Variants in DHRSX observed in about 807,000 individuals in gnomAD.
The protein encoded by DHRSX is dehydrogenase/reductase X-linked, also known as polyprenol dehydrogenase.
A neutral mutation model predicts 34.0 loss-of-function variants in DHRSX; 31 were observed. The ratio of observed to expected loss-of-function variants is 0.91; its 90% CI spans 0.69 to 1.23. The LOEUF (loss-of-function observed/expected upper bound fraction) is 1.23, where lower values mean the gene tolerates loss of function less well. DHRSX is among the 50% of genes most tolerant of loss of function. The pLI is 0.00. For missense variants in DHRSX, 414 were observed against 428.1 expected (o/e 0.97, Z 0.29); for synonymous variants, 201 against 183.8 (o/e 1.09, Z -0.76).
At chrX:2,466,103 G>A (rs2124690660) in intron 1 of DHRSX, among the ~76,000 whole-genome samples, 1 of 152,308 alleles carries the variant, frequency 6.6e-6, no homozygotes, top group Admixed American at 6.5e-5. Flanking sequence ...GATAAAGAAA[G>A]GGTGGAGCAT....
chrX:2,357,864 G>T lies in DHRSX; in HGVS notation c.286+50881C>A, dbSNP rs749625280. ...TCAAGGATTCACCTACATAACGGTG[G>T]TTATGAAATGGAAAATAGAGAAACA... On this transcript the variant is annotated intron_variant, in intron 3 of 6. Coordinates refer to ENST00000334651, the MANE Select transcript of DHRSX (RefSeq NM_145177.3). Among the ~76,000 whole-genome samples, 5 of 152,256 alleles carry T rather than the reference G, an allele frequency of 3.3e-5. No homozygotes were observed. In the East Asian group the frequency reaches 9.6e-4, roughly 29 times the overall value.
Position 2,364,792 on chromosome X carries a change from TCTATCATCTAC to T in DHRSX, c.286+43942_286+43952del, listed in dbSNP as rs2042978535. On this transcript the variant is annotated intron_variant, in intron 3 of 6. Coordinates refer to ENST00000334651, the MANE Select transcript of DHRSX (RefSeq NM_145177.3). The stretch of plus-strand genomic sequence containing the variant: ...GCATCTGTTTACTCTCTATCTACTG[TCTATCATCTAC>T]CTATCATCTATTGACCATCGATCAT... Among the ~76,000 whole-genome samples the T allele has an allele frequency of 7.9e-5, 12 of 152,276 alleles. No individual in the cohort carries two copies. In the South Asian group the frequency reaches 2.5e-3, roughly 32 times the overall value.
intron 1 of DHRSX, among the ~76,000 whole-genome samples, chrX:2,495,549 T>A (rs2045260964): frequency 6.6e-6 from 1 of 152,076 alleles, no homozygotes; most frequent in African/African-American, 2.4e-5. Flanking sequence ...GCTGTCAGAA[T>A]TCCATGGGAT....
chrX:2,353,407 G>A (rs921913420), intron 3 of DHRSX, among the ~76,000 whole-genome samples: 1 of 151,954 alleles, frequency 6.6e-6, no homozygotes, highest in Non-Finnish European at 1.5e-5. Context: ...AAAGCGTCCA[G>A]GAATTCAGAA....
intron 1 of DHRSX, among the ~76,000 whole-genome samples, chrX:2,438,641 C>G (rs1343415250): frequency 6.8e-6 from 1 of 147,004 alleles, no homozygotes; most frequent in Non-Finnish European, 1.5e-5. Flanking sequence ...GCACTCCAGC[C>G]TGGGGGACAG....
Position 2,231,869 on chromosome X carries a change from T to C in DHRSX, c.805-10640A>G, listed in dbSNP as rs193132237. Among the ~76,000 whole-genome samples, 362 of 150,010 alleles carry C rather than the reference T, an allele frequency of 2.4e-3. 4 individuals carry two copies. The highest frequency in any genetic ancestry group is 8.2e-3 in the African/African-American group (333 of 40,822). ...TTTTCTCCCTCTTCTTCCTCCTCCA[T>C]CTTCTCCAACTTCTTCCTCCTCCTC... On this transcript the variant is annotated intron_variant, in intron 6 of 6. Transcript: ENST00000334651.
intron 5 of DHRSX, among the ~76,000 whole-genome samples, chrX:2,263,804 C>T (rs949088472): frequency 1.4e-4 from 21 of 152,200 alleles, no homozygotes; most frequent in African/African-American, 4.6e-4. Context: ...AGCCACCACA[C>T]CCGGACTGCT....
At chrX:2,417,848 C>T (rs1031688556) in intron 2 of DHRSX, among the ~76,000 whole-genome samples, 17 of 152,188 alleles carry the variant, frequency 1.1e-4, no homozygotes, top group African/African-American at 4.1e-4. Flanking sequence ...TCAACTACCT[C>T]ATCATGACAT....
At chrX:2,324,421 C>T (rs1470944677) in intron 3 of DHRSX, among the ~76,000 whole-genome samples, 1 of 152,168 alleles carries the variant, frequency 6.6e-6, no homozygotes, top group Non-Finnish European at 1.5e-5. Context: ...CCCACTTCTT[C>T]AGCCTTCTGG....
At chrX:2,259,381 T>C (rs867786304) in intron 5 of DHRSX, among the ~76,000 whole-genome samples, 7 of 60,600 alleles carry the variant, frequency 1.2e-4, no homozygotes, top group Non-Finnish European at 2.8e-4. Context: ...TATAGATATA[T>C]ATATAGATAT....
intron 3 of DHRSX, among the ~76,000 whole-genome samples, chrX:2,320,327 C>T (rs966632334): frequency 1.7e-4 from 15 of 90,870 alleles, no homozygotes; most frequent in African/African-American, 6.3e-4. Flanking sequence ...TGGGATCTTG[C>T]TCTGTCACCC....
At chrX:2,227,592 AAG>A (rs974952806) in intron 6 of DHRSX, among the ~76,000 whole-genome samples, 1 of 133,786 alleles carries the variant, frequency 7.5e-6, no homozygotes, top group Non-Finnish European at 1.6e-5. Flanking sequence ...AGGATGAAAA[AAG>A]AAAAAAAAAC....
At chrX:2,465,054 C>G (rs1467246544) in intron 1 of DHRSX, among the ~76,000 whole-genome samples, 2 of 152,010 alleles carry the variant, frequency 1.3e-5, no homozygotes, top group East Asian at 1.9e-4. Context: ...AAGACGTTCC[C>G]TAGGCATATG....
intron 1 of DHRSX, among the ~76,000 whole-genome samples, chrX:2,451,466 G>A (rs888280859): frequency 2.0e-5 from 3 of 152,162 alleles, no homozygotes; most frequent in Admixed American, 6.6e-5. Context: ...ATCTGGGTGG[G>A]GCTGGGAGCT....
At chrX:2,457,815 C>T (rs2044328012) in intron 1 of DHRSX, among the ~76,000 whole-genome samples, 1 of 149,406 alleles carries the variant, frequency 6.7e-6, no homozygotes. Flanking sequence ...ACACTGAAGA[C>T]GTTCCCTAAG....
At chrX:2,375,373 G>A (rs970255710) in intron 3 of DHRSX, among the ~76,000 whole-genome samples, 1 of 138,128 alleles carries the variant, frequency 7.2e-6, no homozygotes, top group African/African-American at 2.5e-5. Context: ...ATCATGGGCA[G>A]CATTGAAAAC....
At chrX:2,397,146 C>T (rs772485357) in intron 3 of DHRSX, among the ~76,000 whole-genome samples, 6 of 151,850 alleles carry the variant, frequency 4.0e-5, no homozygotes, top group South Asian at 2.1e-4. Flanking sequence ...ACTCCAGGCA[C>T]GCACACCACG....
At chrX:2,379,412 G>C (rs1272700153) in intron 3 of DHRSX, among the ~76,000 whole-genome samples, 2 of 151,896 alleles carry the variant, frequency 1.3e-5, no homozygotes, top group Admixed American at 6.6e-5. Flanking sequence ...ACAAACGAAG[G>C]GTTAATTAAT....
At chrX:2,470,241 T>TGAA (rs1260335668) in intron 1 of DHRSX, among the ~76,000 whole-genome samples, 1 of 151,158 alleles carries the variant, frequency 6.6e-6, no homozygotes, top group Non-Finnish European at 1.5e-5. Flanking sequence ...GGAAGAATGC[T>TGAA]GAAGTGTTTG....
Sources: gnomAD v4.1 joint callset for allele counts (sites outside exome capture counted in the v4.1 genomes callset) on GRCh38, gnomAD v4.1.1 for gene constraint, MANE v1.5 for transcripts, NCBI Gene and HGNC (gene_info 2026-07-23, HGNC 2026-07-21) for gene names.